The following KCNAB1 variants were observed in gnomAD, a reference collection of about 807,000 sequenced individuals.
KCNAB1 encodes the protein voltage-gated potassium channel subunit beta-1.
KCNAB1 carries 35 observed loss-of-function variants against 64.6 expected under a neutral mutation model. The observed-to-expected ratio is 0.54, with a 90% CI of 0.41 to 0.72. The LOEUF is 0.72. Ranked by LOEUF, KCNAB1 falls within the 30% of genes least tolerant of loss-of-function variation. The pLI, the probability that KCNAB1 is intolerant of heterozygous loss-of-function variation, is 0.00. For synonymous variants in KCNAB1, 177 were observed against 183.8 expected (o/e 0.96, Z 0.30); for missense variants, 401 against 512.9 (o/e 0.78, Z 2.11).
At chr3:156,271,006 C>A (rs760739337) in intron 1 of KCNAB1, among the ~76,000 whole-genome samples, 5 of 152,172 alleles carry the variant, frequency 3.3e-5, no homozygotes, top group Non-Finnish European at 5.9e-5. Flanking sequence ...ATGTGTCATG[C>A]CACTCTCTCT....
chr3:156,338,979 T>C (rs927751249), intron 1 of KCNAB1, among the ~76,000 whole-genome samples: 1 of 152,116 alleles, frequency 6.6e-6, no homozygotes, highest in Non-Finnish European at 1.5e-5. Flanking sequence ...TTTAGAAACA[T>C]ACAGTCAAAG....
chr3:156,379,003 T>G (rs1051344058), intron 1 of KCNAB1, among the ~76,000 whole-genome samples: 1 of 152,208 alleles, frequency 6.6e-6, no homozygotes, highest in Non-Finnish European at 1.5e-5. Context: ...CTGTGGGGGC[T>G]CTTGCCTGCA....
At chr3:156,379,848 G>A (rs767492571) in intron 1 of KCNAB1, among the ~76,000 whole-genome samples, 51 of 152,158 alleles carry the variant, frequency 3.4e-4, no homozygotes, top group Non-Finnish European at 4.7e-4. Flanking sequence ...GGAAGAGGTG[G>A]TGGCAGTAGA....
intron 1 of KCNAB1, among the ~76,000 whole-genome samples, chr3:156,162,045 T>C (rs531453688): frequency 6.6e-6 from 1 of 152,352 alleles, no homozygotes; most frequent in South Asian, 2.1e-4. Context: ...GTCTTGATAT[T>C]GAAAGCATTC....
intron 1 of KCNAB1, chr3:156,291,119 C>G: frequency 1.0e-6 from 1 of 985,506 alleles, no homozygotes; most frequent in Middle Eastern, 5.2e-4. Context: ...CGATTTGTTA[C>G]AGCAAGAGCC....
chr3:156,166,877 A>G (rs932822529), intron 1 of KCNAB1, among the ~76,000 whole-genome samples: 2 of 152,192 alleles, frequency 1.3e-5, no homozygotes, highest in Non-Finnish European at 2.9e-5. Flanking sequence ...CGTTCTGCGA[A>G]GGCTTTTTAG....
chr3:156,494,811 C>T (rs145552726), intron 8 of KCNAB1, among the ~76,000 whole-genome samples: 75 of 152,250 alleles, frequency 4.9e-4, no homozygotes, highest in Non-Finnish European at 1.0e-3. Flanking sequence ...TATGTTCTGT[C>T]AAAGCCTCTT....
chr3:156,516,228 C>A, intron 10 of KCNAB1, 42 bp from the exon 11 acceptor site: 1 of 1,472,604 alleles, frequency 6.8e-7, no homozygotes, highest in Non-Finnish European at 9.5e-7. Context: ...ACCTTTTGAT[C>A]CCAATTTGCA....
In KCNAB1 at chr3:156,120,606, T is replaced by A; in HGVS notation, c.-6T>A. On this transcript the variant is annotated 5_prime_UTR_variant, in exon 1 of 14. Coordinates refer to ENST00000490337, the MANE Select transcript of KCNAB1 (RefSeq NM_172160.3). ...GACTTCCAGTCTTCTCTGAAAGATC[T>A]CCACGATGCTGGCAGCCCGGACAGG... 1 of 1,613,776 alleles carries A rather than the reference T, an allele frequency of 6.2e-7. No individual in the cohort carries two copies. Among genetic ancestry groups the A allele is most frequent in the East Asian group, 2.2e-5 (1 of 44,874 alleles).
intron 1 of KCNAB1, among the ~76,000 whole-genome samples, chr3:156,183,502 GTT>G (rs1270746961): frequency 6.6e-6 from 1 of 152,178 alleles, no homozygotes; most frequent in East Asian, 1.9e-4. Flanking sequence ...GCAGTGCATG[GTT>G]TGTGTGCTGT....
At chr3:156,209,004 A>G (rs1458287324) in intron 1 of KCNAB1, among the ~76,000 whole-genome samples, 1 of 152,270 alleles carries the variant, frequency 6.6e-6, no homozygotes, top group Non-Finnish European at 1.5e-5. Context: ...TTAATGGATA[A>G]AAATCCAGGG....
intron 1 of KCNAB1, among the ~76,000 whole-genome samples, chr3:156,154,953 C>A (rs1406571884): frequency 6.6e-6 from 1 of 152,196 alleles, no homozygotes; most frequent in Non-Finnish European, 1.5e-5. Context: ...ATGTTCACCA[C>A]TTCTTGGGTT....
At chr3:156,164,036 AT>A (rs1164680927) in intron 1 of KCNAB1, among the ~76,000 whole-genome samples, 2 of 152,214 alleles carry the variant, frequency 1.3e-5, no homozygotes, top group Non-Finnish European at 1.5e-5. Context: ...TTTGCATACT[AT>A]CCTTCTCAGT....
At chr3:156,255,104 C>T (rs1560160755) in intron 1 of KCNAB1, among the ~76,000 whole-genome samples, 1 of 152,168 alleles carries the variant, frequency 6.6e-6, no homozygotes, top group Non-Finnish European at 1.5e-5. Flanking sequence ...AGTTGGAGGG[C>T]CTTTCAGCAA....
At chr3:156,161,388 C>A (rs1319967293) in intron 1 of KCNAB1, among the ~76,000 whole-genome samples, 3 of 152,158 alleles carry the variant, frequency 2.0e-5, no homozygotes, top group Non-Finnish European at 2.9e-5. Flanking sequence ...GTTTTAATGA[C>A]CCCTTTTATT....
chr3:156,331,542 C>T (rs563283082), intron 1 of KCNAB1, among the ~76,000 whole-genome samples: 1 of 151,990 alleles, frequency 6.6e-6, no homozygotes, highest in East Asian at 1.9e-4. Context: ...GACATATAGA[C>T]ACATACATAA....
chr3:156,225,536 C>T (rs1403830063), intron 1 of KCNAB1, among the ~76,000 whole-genome samples: 1 of 152,176 alleles, frequency 6.6e-6, no homozygotes, highest in Non-Finnish European at 1.5e-5. Flanking sequence ...ACTTTCACCA[C>T]TTCTACTCAA....
At chr3:156,333,786 T>G (rs1013175753) in intron 1 of KCNAB1, among the ~76,000 whole-genome samples, 1 of 152,220 alleles carries the variant, frequency 6.6e-6, no homozygotes, top group Non-Finnish European at 1.5e-5. Flanking sequence ...TTAGTAACTT[T>G]TTGATATTTG....
chr3:156,514,434 T>C lies in KCNAB1; in HGVS notation c.729T>C (p.Ser243=), dbSNP rs1717424713. The C allele has an allele frequency of 6.2e-7, 1 of 1,612,902 alleles. No homozygotes were observed. The highest frequency in any genetic ancestry group is 1.7e-5 in the Admixed American group (1 of 59,996). ...TGTACTGGGGCACCTCGAGATGGAG[T>C]GCTATGGAGATCATGGTAATTTAAC... ...MAMYWGTSRW[S]AMEIMEAYSV... Residue 243 remains serine, a synonymous_variant, in exon 9 of 14, where the codon AGT becomes AGC. Transcript: ENST00000490337.
Sources: gnomAD v4.1 joint callset for allele counts (sites outside exome capture counted in the v4.1 genomes callset) on GRCh38, gnomAD v4.1.1 for gene constraint, MANE v1.5 for transcripts, NCBI Gene and HGNC (gene_info 2026-07-23, HGNC 2026-07-21) for gene names.